Variants in LONP2 observed in about 807,000 individuals in gnomAD.
LONP2 encodes lon peptidase 2, peroxisomal.
In LONP2, 60 loss-of-function variants were observed where a neutral mutation model predicts 85.6. That is an observed-to-expected ratio of 0.70 (90% CI 0.57 to 0.87). The LOEUF (loss-of-function observed/expected upper bound fraction) is 0.87, where lower values mean the gene tolerates loss of function less well. Among genes scored for constraint, LONP2 ranks in the 40% least tolerant of loss-of-function variants. LONP2 has a pLI of 0.00. For synonymous variants in LONP2, 395 were observed against 389.7 expected (o/e 1.01, Z -0.16); for missense variants, 860 against 1,063.5 (o/e 0.81, Z 2.66).
chr16:48,326,275 C>T (rs1959235799), intron 11 of LONP2, among the ~76,000 whole-genome samples: 1 of 152,080 alleles, frequency 6.6e-6, no homozygotes, highest in Non-Finnish European at 1.5e-5. Context: ...ATTTCTGGAC[C>T]CTATTTTATT....
At chr16:48,251,574 CTT>C (rs966889551) in intron 1 of LONP2, among the ~76,000 whole-genome samples, 25 of 152,204 alleles carry the variant, frequency 1.6e-4, no homozygotes, top group Admixed American at 6.5e-4. Context: ...AGCCCTCACA[CTT>C]AGAAATTCAG....
chr16:48,340,030 T>C (rs1342291100), intron 12 of LONP2, among the ~76,000 whole-genome samples: 1 of 152,164 alleles, frequency 6.6e-6, no homozygotes, highest in Non-Finnish European at 1.5e-5. Flanking sequence ...CATCATGCCT[T>C]CACTGAAGAC....
intron 8 of LONP2, among the ~76,000 whole-genome samples, chr16:48,280,009 G>T (rs1972293185): frequency 6.6e-6 from 1 of 151,858 alleles, no homozygotes; most frequent in Admixed American, 6.6e-5. Flanking sequence ...CTCAGAAGTG[G>T]GTTTTGTTTG....
intron 11 of LONP2, among the ~76,000 whole-genome samples, chr16:48,317,662 A>G (rs533063009): frequency 6.6e-6 from 1 of 152,250 alleles, no homozygotes; most frequent in Non-Finnish European, 1.5e-5. Flanking sequence ...GTTAACAGAC[A>G]TGTCTTTATA....
At chr16:48,347,385 CAA>C (rs1425096325) in intron 12 of LONP2, 120 bp from the exon 13 acceptor site, 1 of 858,806 alleles carries the variant, frequency 1.2e-6, no homozygotes, top group Non-Finnish European at 1.9e-6. Flanking sequence ...TGTTAGGTAA[CAA>C]GGACTTTGAG....
chr16:48,337,553 G>C (rs774957923), intron 12 of LONP2, among the ~76,000 whole-genome samples: 9 of 152,058 alleles, frequency 5.9e-5, no homozygotes, highest in Non-Finnish European at 1.0e-4. Flanking sequence ...TTTGGTTCTA[G>C]ACCTGACCAA....
rs144468041 is a variant in LONP2 at position 48,286,693 on chromosome 16, C to T, written c.1383+9214C>T. Among the ~76,000 whole-genome samples, 840 of 152,024 alleles carry T rather than the reference C, an allele frequency of 5.5e-3. 6 individuals are homozygous for T. The highest frequency in any genetic ancestry group is 0.019 in the African/African-American group (787 of 41,464). On this transcript the variant is annotated intron_variant, in intron 8 of 14. Transcript: ENST00000285737. The stretch of plus-strand genomic sequence containing the variant: ...CCAATTTTTTGTAGAGACAGGGTTT[C>T]GCCATGTTGCCCAGGCTGGTCTCGA...
Position 48,351,567 on chromosome 16 carries a change from TTC to T in LONP2, c.2338-9_2338-8del. On this transcript the variant is annotated splice_polypyrimidine_tract_variant and intron_variant, in intron 14 of 14. Coordinates refer to ENST00000285737, the MANE Select transcript of LONP2 (RefSeq NM_031490.5). ...GTGATCATTAACCCTAAAAACTTTTTTCTCTCCTTACAGGTGGGTGGAATTAA... is the reference window on the plus strand; with the variant it reads ...GTGATCATTAACCCTAAAAACTTTTTTCTCCTTACAGGTGGGTGGAATTAA... 1 of 1,608,150 alleles carries T rather than the reference TTC, an allele frequency of 6.2e-7. No homozygotes were observed. Among genetic ancestry groups the T allele is most frequent in the East Asian group, 2.2e-5 (1 of 44,778 alleles).
intron 10 of LONP2, 148 bp from the exon 11 acceptor site, chr16:48,303,024 G>A: frequency 1.5e-6 from 1 of 662,416 alleles, no homozygotes; most frequent in Non-Finnish European, 2.5e-6. Flanking sequence ...ACAATAATGA[G>A]GAGTTTTAAG....
chr16:48,307,677 G>T (rs1328342252), intron 11 of LONP2, among the ~76,000 whole-genome samples: 1 of 152,034 alleles, frequency 6.6e-6, no homozygotes, highest in Non-Finnish European at 1.5e-5. Context: ...TATTTTCATA[G>T]AAGTCACCTG....
chr16:48,361,341 T>C (rs1555487114), downstream of LONP2: 1 of 423,798 alleles, frequency 2.4e-6, no homozygotes, highest in Non-Finnish European at 4.3e-6. Flanking sequence ...ATACAAAAGA[T>C]GCCCATCTTG....
intron 14 of LONP2, among the ~76,000 whole-genome samples, 181 bp from the exon 15 acceptor site, chr16:48,351,400 T>TA (rs1246160946): frequency 2.6e-5 from 4 of 152,098 alleles, no homozygotes; most frequent in South Asian, 4.2e-4. Flanking sequence ...ATTGAAACAT[T>TA]AAAAAAAGGT....
chr16:48,259,601 A>C (rs1971834319), intron 4 of LONP2, among the ~76,000 whole-genome samples: 1 of 152,234 alleles, frequency 6.6e-6, no homozygotes, highest in Non-Finnish European at 1.5e-5. Flanking sequence ...TCATCAGCGC[A>C]GAAGTCTTGT....
At position 48,356,493 on chromosome 16, in the gene LONP2, GAAAATTGTATCCAGCAGCTAAAAA is replaced by G. The variant is rs1960360529; in HGVS notation, c.*4696_*4719del. On this transcript the variant is annotated 3_prime_UTR_variant, in exon 15 of 15. Coordinates refer to ENST00000285737, the MANE Select transcript of LONP2 (RefSeq NM_031490.5). ...GAAGTACTTCAGTTCCTATTGCCATGAAAATTGTATCCAGCAGCTAAAAAAAAAAAAAAAAAAAAAGACTACAGT... is the reference window on the plus strand; with the variant it reads ...GAAGTACTTCAGTTCCTATTGCCATGAAAAAAAAAAAAAAAAGACTACAGT... 7.2e-6 allele frequency: 1 copy of G among 138,322 alleles called. No homozygotes were observed. Among genetic ancestry groups the G allele is most frequent in the African/African-American group, 2.9e-5 (1 of 35,022 alleles). The allele number at this position is 138,322 out of a possible 1,614,324, so 8.6% of individuals were successfully genotyped here.
chr16:48,311,479 C>T (rs1334148909), intron 11 of LONP2, among the ~76,000 whole-genome samples: 1 of 151,372 alleles, frequency 6.6e-6, no homozygotes, highest in South Asian at 2.1e-4. Flanking sequence ...ATAATTCCTT[C>T]AATGAATTTT....
chr16:48,289,490 G>C (rs978897451), intron 8 of LONP2, among the ~76,000 whole-genome samples: 2 of 152,160 alleles, frequency 1.3e-5, no homozygotes, highest in Non-Finnish European at 2.9e-5. Flanking sequence ...GCAGAGGGGT[G>C]ACTTTGAATA....
At chr16:48,249,494 C>A (rs939934156) in intron 1 of LONP2, among the ~76,000 whole-genome samples, 2 of 152,122 alleles carry the variant, frequency 1.3e-5, no homozygotes. Flanking sequence ...ACAATAGATT[C>A]TTTTTCACTA....
At chr16:48,273,508 C>T (rs527668580) in intron 7 of LONP2, among the ~76,000 whole-genome samples, 21 of 152,020 alleles carry the variant, frequency 1.4e-4, no homozygotes, top group African/African-American at 2.2e-4. Context: ...GTTTATGCTA[C>T]GTATTAACTC....
At chr16:48,323,821 A>G (rs1162840890) in intron 11 of LONP2, among the ~76,000 whole-genome samples, 1 of 152,236 alleles carries the variant, frequency 6.6e-6, no homozygotes, top group Non-Finnish European at 1.5e-5. Context: ...TGAAGAAAAT[A>G]CCAACAGAAA....
Sources: allele counts gnomAD v4.1 joint callset (sites outside exome capture counted in the v4.1 genomes callset), GRCh38; gene constraint gnomAD v4.1.1; transcripts MANE v1.5; gene names NCBI Gene and HGNC (gene_info 2026-07-23, HGNC 2026-07-21).